The following ZNF500 variants were observed in gnomAD, a reference collection of about 807,000 sequenced individuals.
ZNF500 encodes zinc finger protein with KRAB and SCAN domains 18.
A neutral mutation model predicts 30.1 loss-of-function variants in ZNF500; 31 were observed. The ratio of observed to expected loss-of-function variants is 1.03; its 90% CI spans 0.77 to 1.39. The LOEUF (loss-of-function observed/expected upper bound fraction) is 1.39, where lower values mean the gene tolerates loss of function less well. Among genes scored for constraint, ZNF500 ranks in the 40% most tolerant of loss-of-function variants. The pLI, the probability that ZNF500 is intolerant of heterozygous loss-of-function variation, is 0.00. For missense variants in ZNF500, 817 were observed against 657.8 expected, an observed-to-expected ratio of 1.24 and a Z score of -2.65; for synonymous variants, 392 against 282.0, an observed-to-expected ratio of 1.39 and a Z score of -3.91.
At position 4,763,112 on chromosome 16, in the gene ZNF500, A is replaced by T. The variant is rs886700595; in HGVS notation, c.415-356T>A. On this transcript the variant is annotated intron_variant, in intron 2 of 5. Transcript: ENST00000219478. ...TGCATTTGCTAGATTTTTTGAAATT[A>T]TCTGGCCAGCTGCAATGGCTCACAC... 24 of 985,332 alleles carry T rather than the reference A, an allele frequency of 2.4e-5. 1 individual carries two copies. Among genetic ancestry groups the T allele is most frequent in the Non-Finnish European group, 3.6e-6 (3 of 829,948 alleles). 61.0% of individuals were successfully genotyped at this position (985,332 alleles called of 1,614,324 possible). A position where few individuals can be genotyped will look rare whatever the true frequency, so the allele number is the denominator to read the frequency against.
In ZNF500 at chr16:4,766,054, G is replaced by T; in HGVS notation, c.-76C>A. 1 of 1,479,486 alleles carries T rather than the reference G, an allele frequency of 6.8e-7. No individual in the cohort carries two copies. The allele number at this position is 1,479,486 out of a possible 1,614,324, so 91.6% of individuals were successfully genotyped here. ...CTCTCTATACCTCTGGCCAGACACA[G>T]GAAGAGAGTTTTTTTCAGGGCCCTG... On this transcript the variant is annotated 5_prime_UTR_variant, in exon 2 of 6. In the 5' UTR this introduces an upstream ATG that the reference lacks. Coordinates refer to ENST00000219478, the MANE Select transcript of ZNF500 (RefSeq NM_021646.4).
chr16:4,765,525 C>T lies in ZNF500; in HGVS notation c.414+40G>A, dbSNP rs78859259. 7.8e-3 allele frequency: 12,073 copies of T among 1,543,508 alleles called. 59 individuals are homozygous for T. The highest frequency in any genetic ancestry group is 8.9e-3 in the Non-Finnish European group (10,223 of 1,144,530). On this transcript the variant is annotated intron_variant, in intron 2 of 5. Coordinates refer to ENST00000219478, the MANE Select transcript of ZNF500 (RefSeq NM_021646.4). ...GCAGCTGCAGACCCCAGCAGCAGGG[C>T]CCCATTTCCTCACCTGAGGGTCAAA...
At chr16:4,756,166 T>C (rs909564688) in intron 5 of ZNF500, among the ~76,000 whole-genome samples, 1 of 152,192 alleles carries the variant, frequency 6.6e-6, no homozygotes, top group South Asian at 2.1e-4. Context: ...GAAATGCCGA[T>C]GCGGGCTGAT....
At chr16:4,765,306 A>C (rs891391511) in intron 2 of ZNF500, among the ~76,000 whole-genome samples, 4 of 152,112 alleles carry the variant, frequency 2.6e-5, no homozygotes, top group African/African-American at 7.2e-5. Flanking sequence ...AAAAAAAAAA[A>C]CATGTTTGGC....
In ZNF500 at chr16:4,753,291, T is replaced by C. The variant is rs1341173244; in HGVS notation, c.761-233A>G. ...GCTTGGGCAACGCAGTGAGATCTCG[T>C]CTCTACAGAAAATAAACAAAACTAG... On this transcript the variant is annotated intron_variant, in intron 5 of 5. Transcript: ENST00000219478. The C allele has an allele frequency of 6.9e-6, 5 of 728,752 alleles. No individual in the cohort carries two copies. The East Asian group carries it at 1.2e-4, about 18-fold the overall frequency. The allele number at this position is 728,752 out of a possible 1,614,324, so 45.1% of individuals were successfully genotyped here.
At position 4,752,439 on chromosome 16, in the gene ZNF500, C is replaced by T; in HGVS notation, c.1380G>A (p.Met460Ile). Residue 460 changes from methionine to isoleucine, a missense_variant, in exon 6 of 6, where the codon ATG becomes ATA. Physicochemically the swap from Met to Ile is conservative, Grantham distance 10. Coordinates refer to ENST00000219478, the MANE Select transcript of ZNF500 (RefSeq NM_021646.4). ...GGAGCGTCGGCAAGGAGCCTGCCCC[C>T]ATGTGGGTCCGCTGGTGCTTGTGCA... ...TDLHKHQRTH[M>I]GAGSLPTLQP... 6 of 1,539,574 alleles carry T rather than the reference C, an allele frequency of 3.9e-6. No homozygotes were observed. The highest frequency in any genetic ancestry group is 5.2e-6 in the Non-Finnish European group (6 of 1,147,044).
Position 4,765,706 on chromosome 16 carries a change from C to G in ZNF500, c.273G>C (p.Glu91Asp), listed in dbSNP as rs1449515868. 1 of 1,613,490 alleles carries G rather than the reference C, an allele frequency of 6.2e-7. No individual in the cohort carries two copies. ...TCAGGAACTGCTCCAGCACCAGCAG[C>G]TCCAGGATCTGCTCCTTGGTGCGCA... Reference protein sequence around the residue: ...PELRTKEQILELLVLEQFLTV... With the variant: ...PELRTKEQILDLLVLEQFLTV... The change falls in exon 2 of 6, where the codon GAG (glutamate) becomes GAC (aspartate). Residue 91 changes from glutamate to aspartate, a missense_variant. By Grantham distance (45) the Glu-to-Asp change is conservative. Transcript: ENST00000219478.
chr16:4,753,879 GTGGCTCCC>G (rs2082110156), intron 5 of ZNF500, among the ~76,000 whole-genome samples: 15 of 152,236 alleles, frequency 9.9e-5, no homozygotes, highest in Admixed American at 9.8e-4. Context: ...CAGAGCAGTC[GTGGCTCCC>G]AGCCACTGGA....
At chr16:4,746,571 C>T (rs772263608), downstream of ZNF500, 23 of 1,543,584 alleles carry the variant, frequency 1.5e-5, no homozygotes, top group African/African-American at 9.6e-5. Flanking sequence ...GCCTGTTGAC[C>T]GCACAGAGCC....
In ZNF500 at chr16:4,766,013, A is replaced by C; in HGVS notation, c.-35T>G. 6.6e-7 allele frequency: 1 copy of C among 1,517,252 alleles called. No homozygotes were observed. Among genetic ancestry groups the C allele is most frequent in the Non-Finnish European group, 8.8e-7 (1 of 1,140,244 alleles). The allele number at this position is 1,517,252 out of a possible 1,614,324, so 94.0% of individuals were successfully genotyped here. On this transcript the variant is annotated 5_prime_UTR_variant, in exon 2 of 6. Coordinates refer to ENST00000219478, the MANE Select transcript of ZNF500 (RefSeq NM_021646.4). The stretch of plus-strand genomic sequence containing the variant: ...TGGGCCTTGTTCCTTTTCAGGCCTT[A>C]GAGTTGAACCTGTCTCTCTCTATAC...
At chr16:4,760,342 G>T (rs2082183911) in intron 5 of ZNF500, 150 bp downstream of exon 5, 1 of 656,538 alleles carries the variant, frequency 1.5e-6, no homozygotes, top group Non-Finnish European at 2.6e-6. Flanking sequence ...TGCAGGCCCT[G>T]CAGGTGGGAC....
chr16:4,752,511 G>C lies in ZNF500; in HGVS notation c.1308C>G (p.Pro436=), dbSNP rs955210623. Residue 436 remains proline, a synonymous_variant, in exon 6 of 6, where the codon CCC becomes CCG. Coordinates refer to ENST00000219478, the MANE Select transcript of ZNF500 (RefSeq NM_021646.4). ...CCCGGCCACAGGCCGGGCAGGTGTAGGGCTTCTCACCTGTGTGCGTCCGGC... is the reference window on the plus strand; with the variant it reads ...CCCGGCCACAGGCCGGGCAGGTGTACGGCTTCTCACCTGTGTGCGTCCGGC... The part of the protein sequence containing the change: ...AHRRTHTGEK[P]YTCPACGRGF... 1.9e-6 allele frequency: 3 copies of C among 1,557,784 alleles called. No individual in the cohort carries two copies. The highest frequency in any genetic ancestry group is 2.6e-6 in the Non-Finnish European group (3 of 1,156,516).
Position 4,760,550 on chromosome 16 carries a change from A to C in ZNF500, c.702T>G (p.Ser234=), listed in dbSNP as rs754891765. 16 of 1,613,570 alleles carry C rather than the reference A, an allele frequency of 9.9e-6. No homozygotes were observed. Among genetic ancestry groups the C allele is most frequent in the Non-Finnish European group, 1.4e-5 (16 of 1,179,818 alleles). ...VNLEDVAVYL[S]GEEPRCMDPA... is the part of the protein sequence containing the mutation. ...GGTCCATGCATCTTGGCTCCTCCCCAGAAAGGTATACAGCCACGTCCTCCA... is the reference window on the plus strand; with the variant it reads ...GGTCCATGCATCTTGGCTCCTCCCCCGAAAGGTATACAGCCACGTCCTCCA... The change falls in exon 5 of 6, where the codon TCT becomes TCG. Residue 234 remains serine, a synonymous_variant. Coordinates refer to ENST00000219478, the MANE Select transcript of ZNF500 (RefSeq NM_021646.4).
chr16:4,761,812 A>T (rs1385409727), intron 4 of ZNF500, among the ~76,000 whole-genome samples: 1 of 151,938 alleles, frequency 6.6e-6, no homozygotes, highest in East Asian at 1.9e-4. Flanking sequence ...AGCTGTAATC[A>T]CACTACTGCA....
chr16:4,751,766 G>C lies in ZNF500; in HGVS notation c.*610C>G, dbSNP rs903121326. On this transcript the variant is annotated 3_prime_UTR_variant, in exon 6 of 6. Coordinates refer to ENST00000219478, the MANE Select transcript of ZNF500 (RefSeq NM_021646.4). The stretch of plus-strand genomic sequence containing the variant: ...GGTGGCCCTACCAAAAAAGAGACTG[G>C]GCATGGCGGCACACACCTGTAACCC... 3.3e-5 allele frequency: 29 copies of C among 882,520 alleles called. No homozygotes were observed. The highest frequency in any genetic ancestry group is 5.2e-5 in the Non-Finnish European group (29 of 561,722). 54.7% of individuals were successfully genotyped at this position (882,520 alleles called of 1,614,324 possible).
intron 2 of ZNF500, chr16:4,763,721 C>T (rs904090580): frequency 7.5e-5 from 70 of 939,212 alleles, no homozygotes; most frequent in African/African-American, 8.0e-5. Flanking sequence ...GAAGCCATGC[C>T]GGGAACCCCA....
chr16:4,746,339 G>C (rs761991410), downstream of ZNF500: 1 of 1,591,106 alleles, frequency 6.3e-7, no homozygotes, highest in East Asian at 2.2e-5. Flanking sequence ...TTATCACAGA[G>C]AACTGACTCC....
Position 4,765,557 on chromosome 16 carries a change from C to A in ZNF500, c.414+8G>T. On this transcript the variant is annotated splice_region_variant and intron_variant, in intron 2 of 5. Coordinates refer to ENST00000219478, the MANE Select transcript of ZNF500 (RefSeq NM_021646.4). ...TCCTCACCTGAGGGTCAAAATGCCCCCACTCACCCGCTGCCTGTGTTTCCT... is the reference window on the plus strand; with the variant it reads ...TCCTCACCTGAGGGTCAAAATGCCCACACTCACCCGCTGCCTGTGTTTCCT... The A allele has an allele frequency of 6.3e-7, 1 of 1,574,834 alleles. No individual in the cohort carries two copies. Among genetic ancestry groups the A allele is most frequent in the South Asian group, 1.2e-5 (1 of 84,790 alleles).
intron 2 of ZNF500, among the ~76,000 whole-genome samples, chr16:4,765,296 A>G (rs1429721138): frequency 2.0e-5 from 3 of 147,428 alleles, no homozygotes; most frequent in Non-Finnish European, 3.0e-5. Context: ...ACTATGTCTC[A>G]AAAAAAAAAA....
Sources: gnomAD v4.1 joint callset for allele counts (sites outside exome capture counted in the v4.1 genomes callset) on GRCh38, gnomAD v4.1.1 for gene constraint, MANE v1.5 for transcripts, NCBI Gene and HGNC (gene_info 2026-07-23, HGNC 2026-07-21) for gene names.